The following KCNH7 variants were observed in gnomAD, a reference collection of about 807,000 sequenced individuals.
The protein encoded by KCNH7 is voltage-gated inwardly rectifying potassium channel KCNH7.
KCNH7 carries 49 observed loss-of-function variants against 120.8 expected under a neutral mutation model. The ratio of observed to expected loss-of-function variants is 0.41; its 90% CI spans 0.32 to 0.51. KCNH7 has a LOEUF of 0.51. KCNH7 is among the 20% of genes least tolerant of loss of function. The probability of loss-of-function intolerance (pLI) is 0.38; values close to 1 mark genes in which losing one functional copy is unlikely to be tolerated. For missense variants in KCNH7, 1,097 were observed against 1,446.6 expected, an observed-to-expected ratio of 0.76 and a Z score of 3.92; for synonymous variants, 547 against 516.1, an observed-to-expected ratio of 1.06 and a Z score of -0.81.
At chr2:162,451,396 A>C (rs562983086) in intron 6 of KCNH7, among the ~76,000 whole-genome samples, 2 of 152,224 alleles carry the variant, frequency 1.3e-5, no homozygotes, top group African/African-American at 4.8e-5. Context: ...AATATTGATA[A>C]TATTACAGAA....
At chr2:162,404,020 A>G (rs928960271) in intron 9 of KCNH7, among the ~76,000 whole-genome samples, 3 of 151,784 alleles carry the variant, frequency 2.0e-5, no homozygotes, top group Non-Finnish European at 4.4e-5. Context: ...TGTTCATTGC[A>G]CTTTTTTGTT....
intron 2 of KCNH7, among the ~76,000 whole-genome samples, chr2:162,537,544 T>C (rs1363348903): frequency 2.0e-5 from 3 of 152,104 alleles, no homozygotes; most frequent in Non-Finnish European, 2.9e-5. Flanking sequence ...TTATTGGACA[T>C]AAAATGGTAA....
At chr2:162,559,582 T>C (rs1326016346) in intron 2 of KCNH7, among the ~76,000 whole-genome samples, 1 of 152,202 alleles carries the variant, frequency 6.6e-6, no homozygotes, top group Non-Finnish European at 1.5e-5. Context: ...CATGATCATT[T>C]TATATTATCT....
At chr2:162,716,859 T>C (rs1217356206) in intron 2 of KCNH7, among the ~76,000 whole-genome samples, 1 of 152,146 alleles carries the variant, frequency 6.6e-6, no homozygotes, top group Admixed American at 6.6e-5. Flanking sequence ...AGGTATTCTG[T>C]GATTACAGCC....
intron 2 of KCNH7, among the ~76,000 whole-genome samples, chr2:162,619,916 T>C (rs987096698): frequency 1.3e-5 from 2 of 151,928 alleles, no homozygotes; most frequent in Non-Finnish European, 2.9e-5. Context: ...GTATAATACT[T>C]ATTGACCTTT....
At chr2:162,781,961 T>C (rs1039767699) in intron 2 of KCNH7, among the ~76,000 whole-genome samples, 9 of 152,238 alleles carry the variant, frequency 5.9e-5, no homozygotes, top group Non-Finnish European at 1.2e-4. Context: ...AAAATCACGA[T>C]GAAAAACTGA....
intron 2 of KCNH7, among the ~76,000 whole-genome samples, chr2:162,622,888 AATTTTTGT>A (rs1683414222): frequency 6.6e-6 from 1 of 152,104 alleles, no homozygotes; most frequent in Non-Finnish European, 1.5e-5. Context: ...CTGTTTCATG[AATTTTTGT>A]GGTTGTTTTT....
At chr2:162,790,159 T>C (rs1351925508) in intron 2 of KCNH7, among the ~76,000 whole-genome samples, 1 of 151,482 alleles carries the variant, frequency 6.6e-6, no homozygotes, top group Non-Finnish European at 1.5e-5. Context: ...GCATAACCAC[T>C]GATATCACAG....
intron 7 of KCNH7, among the ~76,000 whole-genome samples, chr2:162,445,334 C>T (rs1332514253): frequency 6.6e-6 from 1 of 152,068 alleles, no homozygotes; most frequent in African/African-American, 2.4e-5. Flanking sequence ...TTCTATAAAT[C>T]TTTCTGTTAC....
intron 14 of KCNH7, among the ~76,000 whole-genome samples, chr2:162,376,551 A>T (rs1686195679): frequency 6.6e-6 from 1 of 151,810 alleles, no homozygotes; most frequent in Non-Finnish European, 1.5e-5. Context: ...TTCAGTAGAG[A>T]TGGGGGTTCA....
At chr2:162,606,496 T>G (rs1213193771) in intron 2 of KCNH7, among the ~76,000 whole-genome samples, 3 of 152,190 alleles carry the variant, frequency 2.0e-5, no homozygotes, top group African/African-American at 7.2e-5. Context: ...TTAAATTATT[T>G]TATTCAACTC....
In KCNH7 at chr2:162,682,873, G is replaced by T. The variant is rs536795834; in HGVS notation, c.308-145793C>A. ...CCATAATTTCCTAAATGTTGGTCCAGAAAAAACCCAGACAATAAATGATTT... is the reference window on the plus strand; with the variant it reads ...CCATAATTTCCTAAATGTTGGTCCATAAAAAACCCAGACAATAAATGATTT... On this transcript the variant is annotated intron_variant, in intron 2 of 15. Transcript: ENST00000332142. Among the ~76,000 whole-genome samples the T allele has an allele frequency of 1.0e-3, 154 of 151,834 alleles. 1 individual carries two copies. The highest frequency in any genetic ancestry group is 1.3e-3 in the Admixed American group (19 of 15,200).
At chr2:162,648,907 TTA>T (rs751511555) in intron 2 of KCNH7, among the ~76,000 whole-genome samples, 1 of 152,186 alleles carries the variant, frequency 6.6e-6, no homozygotes, top group Non-Finnish European at 1.5e-5. Context: ...AGTAGATGTC[TTA>T]TAACCATTTT....
intron 2 of KCNH7, among the ~76,000 whole-genome samples, chr2:162,559,242 C>T (rs1212441803): frequency 1.3e-5 from 2 of 151,760 alleles, no homozygotes; most frequent in East Asian, 3.9e-4. Context: ...AATCTGAGGC[C>T]AGAGAGTTTG....
chr2:162,518,263 T>G, intron 3 of KCNH7, 105 bp from the exon 4 acceptor site: 1 of 833,222 alleles, frequency 1.2e-6, no homozygotes, highest in South Asian at 1.8e-5. Context: ...AAAAATAATT[T>G]TGAATCAATG....
intron 2 of KCNH7, among the ~76,000 whole-genome samples, chr2:162,779,193 T>G (rs186888232): frequency 4.3e-4 from 65 of 152,010 alleles, no homozygotes; most frequent in African/African-American, 1.4e-3. Flanking sequence ...TTTTTGTTTT[T>G]TTTGTTTGTT....
chr2:162,698,074 T>C (rs1686355082), intron 2 of KCNH7, among the ~76,000 whole-genome samples: 1 of 152,202 alleles, frequency 6.6e-6, no homozygotes, highest in African/African-American at 2.4e-5. Flanking sequence ...ACAGGAAGAC[T>C]AAATTTCATA....
intron 2 of KCNH7, among the ~76,000 whole-genome samples, chr2:162,835,992 G>T (rs188100285): frequency 1.7e-3 from 252 of 152,192 alleles, no homozygotes; most frequent in African/African-American, 5.5e-3. Context: ...AATATGCACA[G>T]GTTAACTGGA....
chr2:162,626,847 T>A (rs944203321), intron 2 of KCNH7, among the ~76,000 whole-genome samples: 16 of 152,164 alleles, frequency 1.1e-4, no homozygotes, highest in African/African-American at 3.9e-4. Context: ...AGAGGGTAAC[T>A]AAGCTGATGG....
Sources: gnomAD v4.1 joint callset for allele counts (sites outside exome capture counted in the v4.1 genomes callset) on GRCh38, gnomAD v4.1.1 for gene constraint, MANE v1.5 for transcripts, NCBI Gene and HGNC (gene_info 2026-07-23, HGNC 2026-07-21) for gene names.